LAMB1: variants seen among roughly 807,000 people sequenced by gnomAD.
LAMB1 encodes laminin subunit beta 1, also known as laminin subunit beta-1.
A neutral mutation model predicts 222.3 loss-of-function variants in LAMB1; 121 were observed. That is an observed-to-expected ratio of 0.54 (90% confidence interval 0.47 to 0.63). The LOEUF is 0.63. Ranked by LOEUF, LAMB1 falls within the 30% of genes least tolerant of loss-of-function variation. The probability of loss-of-function intolerance (pLI) is 0.00; values close to 1 mark genes in which losing one functional copy is unlikely to be tolerated. For synonymous variants in LAMB1, 794 were observed against 807.2 expected, an observed-to-expected ratio of 0.98 and a Z score of 0.28; for missense variants, 2,172 against 2,240.8, an observed-to-expected ratio of 0.97 and a Z score of 0.62.
intron 7 of LAMB1, among the ~76,000 whole-genome samples, chr7:107,983,060 A>G (rs2150444529): frequency 6.6e-6 from 1 of 152,354 alleles, no homozygotes; most frequent in Non-Finnish European, 1.5e-5. Context: ...ATTTTGAGAC[A>G]TGCAGGAAAG....
At chr7:107,966,336 G>A (rs2033636320) in intron 13 of LAMB1, among the ~76,000 whole-genome samples, 1 of 151,888 alleles carries the variant, frequency 6.6e-6, no homozygotes, top group South Asian at 2.1e-4. Context: ...TCAGCCTCCT[G>A]AGTAGCTGGG....
chr7:107,945,076 T>A (rs533864114), intron 24 of LAMB1, among the ~76,000 whole-genome samples: 29 of 152,334 alleles, frequency 1.9e-4, no homozygotes, highest in African/African-American at 7.0e-4. Flanking sequence ...ATCATGAAGA[T>A]GAAGAATAGT....
intron 25 of LAMB1, among the ~76,000 whole-genome samples, chr7:107,938,612 G>A (rs533856386): frequency 6.6e-6 from 1 of 152,208 alleles, no homozygotes; most frequent in South Asian, 2.1e-4. Context: ...TCTCTCTTCT[G>A]GCAGGCTCTC....
chr7:108,001,894 G>A (rs952907848), intron 2 of LAMB1, 161 bp from the exon 3 acceptor site: 4 of 1,471,304 alleles, frequency 2.7e-6, no homozygotes, highest in Non-Finnish European at 3.6e-6. Flanking sequence ...GAGCGCAGGA[G>A]AGGCTGGGAA....
intron 8 of LAMB1, among the ~76,000 whole-genome samples, chr7:107,979,550 A>C (rs970167074): frequency 5.9e-5 from 9 of 152,294 alleles, no homozygotes; most frequent in African/African-American, 1.7e-4. Flanking sequence ...TGATCTCATA[A>C]GTCCTATCTG....
chr7:107,997,543 G>A (rs2034303472), intron 4 of LAMB1, among the ~76,000 whole-genome samples: 1 of 152,198 alleles, frequency 6.6e-6, no homozygotes, highest in Non-Finnish European at 1.5e-5. Context: ...GTACTGCATA[G>A]AATAAAGAAA....
At chr7:107,985,110 A>G (rs2034048517) in intron 7 of LAMB1, among the ~76,000 whole-genome samples, 2 of 152,226 alleles carry the variant, frequency 1.3e-5, no homozygotes, top group African/African-American at 4.8e-5. Flanking sequence ...TATGATCAAC[A>G]CAATTACTTG....
intron 5 of LAMB1, among the ~76,000 whole-genome samples, chr7:107,991,565 C>T (rs1349182231): frequency 2.1e-5 from 3 of 143,140 alleles, no homozygotes; most frequent in Non-Finnish European, 4.6e-5. Context: ...CCATCCTGGG[C>T]AACAAGAGTG....
chr7:107,978,676 A>G (rs935758302), intron 8 of LAMB1, among the ~76,000 whole-genome samples: 3 of 152,128 alleles, frequency 2.0e-5, no homozygotes, highest in African/African-American at 4.8e-5. Flanking sequence ...TAGCACTTAA[A>G]TTTTTCTTTC....
chr7:107,954,385 G>A (rs1182895320), intron 21 of LAMB1, among the ~76,000 whole-genome samples: 1 of 148,526 alleles, frequency 6.7e-6, no homozygotes, highest in Non-Finnish European at 1.5e-5. Context: ...GCCCACGCTG[G>A]TCTCTTACTC....
chr7:107,956,109 C>A (rs1384188706), intron 20 of LAMB1, among the ~76,000 whole-genome samples: 1 of 151,878 alleles, frequency 6.6e-6, no homozygotes, highest in Non-Finnish European at 1.5e-5. Flanking sequence ...GTTGGCCAGG[C>A]TGGTCTTGAA....
chr7:108,002,978 A>C lies in LAMB1; in HGVS notation c.-86-7T>G. 1 of 1,584,822 alleles carries C rather than the reference A, an allele frequency of 6.3e-7. No individual in the cohort carries two copies. Among genetic ancestry groups the C allele is most frequent in the Non-Finnish European group, 8.5e-7 (1 of 1,170,268 alleles). Reference sequence around the variant, plus strand: ...TTTCTTCCCGTCTTCCTTTCTGGAGAGGTGGAAAGGAGGGGAAAAAAGGCA... The same window carrying C: ...TTTCTTCCCGTCTTCCTTTCTGGAGCGGTGGAAAGGAGGGGAAAAAAGGCA... On this transcript the variant is annotated splice_region_variant and splice_polypyrimidine_tract_variant and intron_variant, in intron 1 of 33. Coordinates refer to ENST00000222399, the MANE Select transcript of LAMB1 (RefSeq NM_002291.3).
intron 2 of LAMB1, chr7:108,002,426 C>T (rs1163440525): frequency 7.6e-7 from 1 of 1,315,324 alleles, no homozygotes; most frequent in South Asian, 1.3e-5. Flanking sequence ...TAATTAAAGC[C>T]ACATGGCCCC....
At chr7:107,960,732 CA>C in intron 17 of LAMB1, 83 bp from the exon 18 acceptor site, 5 of 1,116,772 alleles carry the variant, frequency 4.5e-6, no homozygotes, top group Non-Finnish European at 6.7e-6. Context: ...GTAGAAAACC[CA>C]AATGCTTCTT....
rs762385368 is a variant in LAMB1, at chr7:107,980,784, A to C, written c.704T>G (p.Ile235Ser). Residue 235 changes from isoleucine (I) to serine (S), a missense_variant, in exon 8 of 34, where the codon ATC becomes AGC. Coordinates refer to ENST00000222399, the MANE Select transcript of LAMB1 (RefSeq NM_002291.3). Reference sequence around the variant, plus strand: ...CAAAGTATGCAGTTTCACAAACTTGATTCTCAAGTTGGTAATTTTTAATAA... The same window carrying C: ...CAAAGTATGCAGTTTCACAAACTTGCTTCTCAAGTTGGTAATTTTTAATAA... ...QNLLKITNLR[I>S]KFVKLHTLGD... 1 of 1,610,038 alleles carries C rather than the reference A, an allele frequency of 6.2e-7. No individual in the cohort carries two copies. The highest frequency in any genetic ancestry group is 8.5e-7 in the Non-Finnish European group (1 of 1,176,432).
chr7:107,973,973 T>G (rs1275372121), intron 12 of LAMB1, among the ~76,000 whole-genome samples: 5 of 152,128 alleles, frequency 3.3e-5, no homozygotes, highest in African/African-American at 4.8e-5. Context: ...TAAAAAATTT[T>G]AGAGATGGGG....
Position 108,001,727 on chromosome 7 carries a change from C to T in LAMB1, c.44G>A (p.Cys15Tyr). The T allele has an allele frequency of 1.2e-6, 2 of 1,612,482 alleles. No homozygotes were observed. The highest frequency in any genetic ancestry group is 2.2e-5 in the South Asian group (2 of 90,942). The change falls in exon 3 of 34, where the codon TGC becomes TAC. Residue 15 changes from cysteine (C) to tyrosine (Y), a missense_variant. Physicochemically the swap from Cys to Tyr is radical, Grantham distance 194. Coordinates refer to ENST00000222399, the MANE Select transcript of LAMB1 (RefSeq NM_002291.3). ...QLLAFSFLAL[C>Y]RARVRAQEPE... ...TTCCTGAGCGCGCACTCGGGCTCTG[C>T]ACAGGGCTGCGGGAAGGACAGGCAA...
chr7:107,972,152 G>A (rs1016612649), intron 13 of LAMB1, among the ~76,000 whole-genome samples: 3 of 152,148 alleles, frequency 2.0e-5, no homozygotes, highest in South Asian at 2.1e-4. Context: ...GCACGACCTC[G>A]AACAGAACAA....
chr7:107,952,246 C>A (rs765337409), intron 22 of LAMB1, 23 bp from the exon 23 acceptor site: 2 of 1,550,398 alleles, frequency 1.3e-6, no homozygotes, highest in Non-Finnish European at 1.8e-6. Flanking sequence ...ATCACATTTA[C>A]TTATTGTCAC....
Sources: gnomAD v4.1 joint callset for allele counts (sites outside exome capture counted in the v4.1 genomes callset) on GRCh38, gnomAD v4.1.1 for gene constraint, MANE v1.5 for transcripts, NCBI Gene and HGNC (gene_info 2026-07-23, HGNC 2026-07-21) for gene names.